Variants in CYP11B1 observed in about 807,000 individuals in gnomAD.
The protein encoded by CYP11B1 is cytochrome P450 family 11 subfamily B member 1.
CYP11B1 carries 34 observed loss-of-function variants against 48.3 expected under a neutral mutation model. The observed-to-expected ratio is 0.70, with a 90% CI of 0.54 to 0.94. The LOEUF is 0.94. Among genes scored for constraint, CYP11B1 ranks in the 40% least tolerant of loss-of-function variants. The pLI is 0.00. For missense variants in CYP11B1, 688 were observed against 657.4 expected, an observed-to-expected ratio of 1.05 and a Z score of -0.51; for synonymous variants, 291 against 262.5, an observed-to-expected ratio of 1.11 and a Z score of -1.05.
chr8:142,878,090 C>T (rs372573951), intron 2 of CYP11B1, among the ~76,000 whole-genome samples: 16 of 152,242 alleles, frequency 1.1e-4, no homozygotes, highest in East Asian at 5.8e-4. Context: ...ACACACAACA[C>T]GTGCAAATGC....
rs975021937 is a variant in CYP11B1, at chr8:142,872,669, A to G, written c.*1704T>C. 2 of 152,184 alleles carry G rather than the reference A, an allele frequency of 1.3e-5. No homozygotes were observed. Among genetic ancestry groups the G allele is most frequent in the African/African-American group, 4.8e-5 (2 of 41,438 alleles). 9.4% of individuals were successfully genotyped at this position (152,184 alleles called of 1,614,324 possible). A position where few individuals can be genotyped will look rare whatever the true frequency, so the allele number is the denominator to read the frequency against. On this transcript the variant is annotated 3_prime_UTR_variant, in exon 9 of 9. Coordinates refer to ENST00000292427, the MANE Select transcript of CYP11B1 (RefSeq NM_000497.4). Reference sequence around the variant, plus strand: ...GTTGATATTTGGGGCTACTGGGGAGAAATGCATGTATTTTGTATATGAGAA... The same window carrying G: ...GTTGATATTTGGGGCTACTGGGGAGGAATGCATGTATTTTGTATATGAGAA...
chr8:142,878,009 GCACA>G (rs1402372205), intron 2 of CYP11B1, among the ~76,000 whole-genome samples: 16 of 151,850 alleles, frequency 1.1e-4, no homozygotes, highest in African/African-American at 3.9e-4. Context: ...ACCTGCACAT[GCACA>G]CACAGAGACA....
At chr8:142,877,728 C>G (rs561219388) in intron 2 of CYP11B1, 1 of 1,592,404 alleles carries the variant, frequency 6.3e-7, no homozygotes. Context: ...AGGACAGAAA[C>G]CAAGCTTTGT....
At chr8:142,877,898 G>T in intron 2 of CYP11B1, 1 of 1,363,928 alleles carries the variant, frequency 7.3e-7, no homozygotes, top group Non-Finnish European at 1.0e-6. Flanking sequence ...AGTGATGGCA[G>T]GCAGAAGATG....
rs1413344057 is a variant in CYP11B1, at chr8:142,877,312, C to T, written c.396-90G>A. 8.6e-6 allele frequency: 11 copies of T among 1,274,612 alleles called. No homozygotes were observed. In the Admixed American group the frequency reaches 9.9e-5, roughly 11 times the overall value. The allele number at this position is 1,274,612 out of a possible 1,614,324, so 79.0% of individuals were successfully genotyped here. On this transcript the variant is annotated intron_variant, in intron 2 of 8. Coordinates refer to ENST00000292427, the MANE Select transcript of CYP11B1 (RefSeq NM_000497.4). ...CATCCTCCTTGTCCCCAAGGGGAAT[C>T]GGCCTGCAGGGAGCTGACTGGGGGC...
Position 142,874,355 on chromosome 8 carries a change from C to T in CYP11B1, c.*18G>A, listed in dbSNP as rs755738004. On this transcript the variant is annotated 3_prime_UTR_variant, in exon 9 of 9. Transcript: ENST00000292427. Reference sequence around the variant, plus strand: ...GGAGGCTGGTGGCCAGGCTGGGACCCTGGGTGCAGAGACGTGATTAGTTGA... The same window carrying T: ...GGAGGCTGGTGGCCAGGCTGGGACCTTGGGTGCAGAGACGTGATTAGTTGA... The T allele has an allele frequency of 4.4e-6, 7 of 1,583,018 alleles. No individual in the cohort carries two copies. The Admixed American group carries it at 1.2e-4, about 26-fold the overall frequency.
Position 142,874,260 on chromosome 8 carries a change from A to G in CYP11B1, c.*113T>C. 1.3e-6 allele frequency: 1 copy of G among 794,940 alleles called. No homozygotes were observed. Among genetic ancestry groups the G allele is most frequent in the Non-Finnish European group, 2.3e-6 (1 of 444,132 alleles). 49.2% of individuals were successfully genotyped at this position (794,940 alleles called of 1,614,324 possible). Reference sequence around the variant, plus strand: ...AGTTCCATTTGTGCTGGGGCTGGTTAGACAGAGGGGTGACTCAGGAAGCTG... The same window carrying G: ...AGTTCCATTTGTGCTGGGGCTGGTTGGACAGAGGGGTGACTCAGGAAGCTG... On this transcript the variant is annotated 3_prime_UTR_variant, in exon 9 of 9. Transcript: ENST00000292427.
At chr8:142,878,456 G>C (rs1473486199) in intron 2 of CYP11B1, among the ~76,000 whole-genome samples, 1 of 152,134 alleles carries the variant, frequency 6.6e-6, no homozygotes, top group Non-Finnish European at 1.5e-5. Context: ...CCCTCTGCAC[G>C]GGCCAGGAAA....
rs1244968344 is a variant in CYP11B1, at chr8:142,873,412, A to C, written c.*961T>G. ...CAACTCTCTCTGCTGGGCTAGGAGC[A>C]GATGAGGCCCAAGGCAGGTTCACGC... On this transcript the variant is annotated 3_prime_UTR_variant, in exon 9 of 9. Transcript: ENST00000292427. 6.6e-6 allele frequency: 1 copy of C among 152,272 alleles called. No individual in the cohort carries two copies. The highest frequency in any genetic ancestry group is 2.4e-5 in the African/African-American group (1 of 41,462). The allele number at this position is 152,272 out of a possible 1,614,324, so 9.4% of individuals were successfully genotyped here.
rs1455822465 is a variant in CYP11B1, at chr8:142,874,023, G to GGAAGGC, written c.*344_*349dup. 1.0e-5 allele frequency: 4 copies of GGAAGGC among 383,996 alleles called. No homozygotes were observed. Among genetic ancestry groups the GGAAGGC allele is most frequent in the Non-Finnish European group, 2.0e-5 (4 of 201,064 alleles). The allele number at this position is 383,996 out of a possible 1,614,324, so 23.8% of individuals were successfully genotyped here. ...GAACAGGGACATGTGAGACTAGGCA[G>GGAAGGC]GAAGGCAAGGGACAAAACCACAGCA... On this transcript the variant is annotated 3_prime_UTR_variant, in exon 9 of 9. Transcript: ENST00000292427.
At chr8:142,879,342 T>C in intron 1 of CYP11B1, 155 bp from the exon 2 acceptor site, 4 of 1,606,842 alleles carry the variant, frequency 2.5e-6, no homozygotes, top group Non-Finnish European at 3.4e-6. Context: ...CGGAACCTCT[T>C]AACTTCAGTG....
Position 142,875,881 on chromosome 8 carries a change from G to C in CYP11B1, c.955-3C>G, listed in dbSNP as rs751977562. ...GTCATCAGCAAGGGAAACACCGTCT[G>C]CAGGAGACACAGCTGCAGGGTCAGA... On this transcript the variant is annotated splice_polypyrimidine_tract_variant and splice_region_variant and intron_variant, in intron 5 of 8. Transcript: ENST00000292427. The C allele has an allele frequency of 6.2e-7, 1 of 1,614,110 alleles. No individual in the cohort carries two copies. The highest frequency in any genetic ancestry group is 1.1e-5 in the South Asian group (1 of 91,074).
At position 142,876,849 on chromosome 8, in the gene CYP11B1, A is replaced by T. The variant is rs368125568; in HGVS notation, c.632T>A (p.Leu211Gln). The stretch of plus-strand genomic sequence containing the variant: ...GGCAGAACTGGGGCTGTGGCCAACC[A>T]GGCCCAGCCGCTCTCCAAAAAGAGC... ...NLALFGERLGLVGHSPSSASL... is the reference protein window; with the variant it reads ...NLALFGERLGQVGHSPSSASL... The change falls in exon 4 of 9, where the codon CTG becomes CAG. Residue 211 changes from leucine to glutamine, a missense_variant. Physicochemically the swap from Leu to Gln is moderately radical, Grantham distance 113 (BLOSUM62 -2). Transcript: ENST00000292427. 1.1e-5 allele frequency: 17 copies of T among 1,613,914 alleles called. No individual in the cohort carries two copies. The African/African-American group carries it at 2.0e-4, about 19-fold the overall frequency.
chr8:142,874,706 C>T (rs1202227026), intron 8 of CYP11B1, among the ~76,000 whole-genome samples: 7 of 152,272 alleles, frequency 4.6e-5, no homozygotes, highest in South Asian at 4.2e-4. Context: ...AGGCTCCACC[C>T]GACTTCCCCA....
At position 142,879,637 on chromosome 8, in the gene CYP11B1, C is replaced by G. The variant is rs756448189; in HGVS notation, c.177G>C (p.Gln59His). The G allele has an allele frequency of 1.2e-6, 2 of 1,614,252 alleles. No individual in the cohort carries two copies. Among genetic ancestry groups the G allele is most frequent in the Non-Finnish European group, 1.7e-6 (2 of 1,180,044 alleles). Residue 59 changes from glutamine to histidine, a missense_variant, in exon 1 of 9, where the codon CAG becomes CAC. By Grantham distance (24) the Gln-to-His change is conservative (BLOSUM62 0). Coordinates refer to ENST00000292427, the MANE Select transcript of CYP11B1 (RefSeq NM_000497.4). ...CTTCCAGGTGCAGGTCCTCATAACCCTGCTCCCTCCAGATCTGCAGCAGCC... is the reference window on the plus strand; with the variant it reads ...CTTCCAGGTGCAGGTCCTCATAACCGTGCTCCCTCCAGATCTGCAGCAGCC... ...WLRLLQIWREQGYEDLHLEVH... is the reference protein window; with the variant it reads ...WLRLLQIWREHGYEDLHLEVH...
In CYP11B1 at chr8:142,879,051, T is replaced by C. The variant is rs764087240; in HGVS notation, c.376A>G (p.Lys126Glu). 1 of 1,614,172 alleles carries C rather than the reference T, an allele frequency of 6.2e-7. No individual in the cohort carries two copies. The highest frequency in any genetic ancestry group is 1.7e-5 in the Admixed American group (1 of 60,028). Residue 126 changes from lysine (K) to glutamate (E), a missense_variant, in exon 2 of 9, where the codon AAA (lysine) becomes GAA (glutamate). By Grantham distance (56) the Lys-to-Glu change is moderately conservative. Transcript: ENST00000292427. ...WVAYRQHRGH[K>E]CGVFLLNGPE... ...GCTTACAGCAAGAACACGCCACATT[T>C]GTGCCCACGATGTTGTCTGTAGGCC...
intron 2 of CYP11B1, 59 bp downstream of exon 2, chr8:142,878,973 C>T (rs1817053804): frequency 6.9e-6 from 11 of 1,599,904 alleles, no homozygotes; most frequent in Middle Eastern, 1.7e-4. Flanking sequence ...CTGCCTCTCT[C>T]GCCTCCCCCC....
Position 142,874,129 on chromosome 8 carries a change from G to A in CYP11B1, c.*244C>T, listed in dbSNP as rs1816862781. 1.8e-6 allele frequency: 1 copy of A among 569,308 alleles called. No homozygotes were observed. The highest frequency in any genetic ancestry group is 3.1e-5 in the East Asian group (1 of 32,782). The allele number at this position is 569,308 out of a possible 1,614,324, so 35.3% of individuals were successfully genotyped here. On this transcript the variant is annotated 3_prime_UTR_variant, in exon 9 of 9. Transcript: ENST00000292427. ...ACTGCCCAGAGGACAGTGCTTGCTGGAGAAAGGGCCAGGTGGGGCTGGGGA... is the reference window on the plus strand; with the variant it reads ...ACTGCCCAGAGGACAGTGCTTGCTGAAGAAAGGGCCAGGTGGGGCTGGGGA...
chr8:142,875,057 C>T lies in CYP11B1; in HGVS notation c.1298G>A (p.Gly433Asp), dbSNP rs542739915. 1 of 1,614,268 alleles carries T rather than the reference C, an allele frequency of 6.2e-7. No individual in the cohort carries two copies. Among genetic ancestry groups the T allele is most frequent in the African/African-American group, 1.3e-5 (1 of 75,080 alleles). ...YNPQRWLDIR[G>D]SGRNFYHVPF... is the part of the protein sequence containing the mutation. The stretch of plus-strand genomic sequence containing the variant: ...CACGTGGTAGAAGTTCCTGCCGGAG[C>T]CCCTGATGTCTAGCCAGCGCTGGGG... Residue 433 changes from glycine (G) to aspartate (D), a missense_variant, in exon 8 of 9, where the codon GGC (glycine) becomes GAC (aspartate). By Grantham distance (94) the Gly-to-Asp change is moderately conservative. Coordinates refer to ENST00000292427, the MANE Select transcript of CYP11B1 (RefSeq NM_000497.4).
Sources: allele counts gnomAD v4.1 joint callset (sites outside exome capture counted in the v4.1 genomes callset), GRCh38; gene constraint gnomAD v4.1.1; transcripts MANE v1.5; gene names NCBI Gene and HGNC (gene_info 2026-07-23, HGNC 2026-07-21).